The following FMN2 variants were observed in gnomAD, a reference collection of about 807,000 sequenced individuals.
FMN2 encodes the protein formin 2.
In FMN2, 51 loss-of-function variants were observed where a neutral mutation model predicts 142.3. That is an observed-to-expected ratio of 0.36 (90% CI 0.29 to 0.45). FMN2 has a LOEUF of 0.45. Ranked by LOEUF, FMN2 falls within the 20% of genes least tolerant of loss-of-function variation. FMN2 has a pLI of 1.00. For missense variants in FMN2, 1,936 were observed against 2,122.8 expected, an observed-to-expected ratio of 0.91 and a Z score of 1.73; for synonymous variants, 882 against 869.8, an observed-to-expected ratio of 1.01 and a Z score of -0.25.
At chr1:240,419,462 A>G (rs1326875140) in intron 15 of FMN2, among the ~76,000 whole-genome samples, 5 of 152,114 alleles carry the variant, frequency 3.3e-5, no homozygotes, top group Admixed American at 1.3e-4. Flanking sequence ...GAGGGCATCA[A>G]TCCCAGTTGT....
chr1:240,367,313 G>A (rs926601883), intron 14 of FMN2, among the ~76,000 whole-genome samples: 10 of 151,980 alleles, frequency 6.6e-5, no homozygotes, highest in Non-Finnish European at 1.5e-4. Flanking sequence ...TATATATTGA[G>A]GACATTAAAA....
intron 14 of FMN2, among the ~76,000 whole-genome samples, chr1:240,364,644 A>T (rs1023027050): frequency 6.6e-6 from 1 of 152,206 alleles, no homozygotes; most frequent in Non-Finnish European, 1.5e-5. Context: ...ACTTGATCAA[A>T]GAGCCTCTGA....
At chr1:240,456,615 C>T (rs1676254262) in intron 16 of FMN2, among the ~76,000 whole-genome samples, 1 of 152,178 alleles carries the variant, frequency 6.6e-6, no homozygotes, top group Non-Finnish European at 1.5e-5. Context: ...CGCCACCATG[C>T]CCGGCTAACT....
Position 240,125,560 on chromosome 1 carries a change from C to T in FMN2, c.1782+2215C>T, listed in dbSNP as rs114512494. ...GGAACTATAATTAGTATAGTGCAGG[C>T]AAAGGCAAACACTAGCCATGTCTAG... is the stretch of plus-strand genomic sequence containing the variant. On this transcript the variant is annotated intron_variant, in intron 2 of 17. Transcript: ENST00000319653. Among the ~76,000 whole-genome samples the T allele has an allele frequency of 5.8e-3, 888 of 152,292 alleles. 6 individuals carry two copies. The highest frequency in any genetic ancestry group is 0.02 in the African/African-American group (830 of 41,564).
intron 1 of FMN2, among the ~76,000 whole-genome samples, chr1:240,105,266 G>T (rs979040551): frequency 6.6e-6 from 1 of 151,674 alleles, no homozygotes; most frequent in Middle Eastern, 3.2e-3. Flanking sequence ...CCACCACCAT[G>T]CCCGGCTAAT....
intron 13 of FMN2, among the ~76,000 whole-genome samples, chr1:240,348,443 G>T (rs1040955581): frequency 6.6e-6 from 1 of 151,302 alleles, no homozygotes; most frequent in African/African-American, 2.4e-5. Context: ...GGTTGGTCTC[G>T]AACTCCTGAC....
At chr1:240,297,121 C>T (rs1670013442) in intron 8 of FMN2, among the ~76,000 whole-genome samples, 1 of 151,932 alleles carries the variant, frequency 6.6e-6, no homozygotes. Context: ...GTGTGTGTAT[C>T]TATCTATCTT....
At chr1:240,190,455 A>G (rs1454717669) in intron 4 of FMN2, among the ~76,000 whole-genome samples, 1 of 152,144 alleles carries the variant, frequency 6.6e-6, no homozygotes, top group Non-Finnish European at 1.5e-5. Context: ...CGTAAAGGGG[A>G]TAGGGAAAAC....
chr1:240,130,613 G>A (rs1368298893), intron 2 of FMN2, among the ~76,000 whole-genome samples: 1 of 152,092 alleles, frequency 6.6e-6, no homozygotes, highest in Non-Finnish European at 1.5e-5. Context: ...TGAATTCTGT[G>A]TTTTTAGTAA....
rs374934885 is a variant in FMN2, at chr1:240,468,206, A to ATATATGTGTGTGTG, written c.5061-4165_5061-4164insATATGTGTGTGTGT. 3.5e-3 allele frequency among the ~76,000 whole-genome samples: 515 copies of ATATATGTGTGTGTG among 147,968 alleles called. 2 individuals carry two copies. Among genetic ancestry groups the ATATATGTGTGTGTG allele is most frequent in the Middle Eastern group, 0.011 (3 of 284 alleles). On this transcript the variant is annotated intron_variant, in intron 16 of 17. Coordinates refer to ENST00000319653, the MANE Select transcript of FMN2 (RefSeq NM_020066.5). ...AATGCATCCACTAAAATATATATATATGTGTGTGTGTGTGTGTGTGTGTGT... is the reference window on the plus strand; with the variant it reads ...AATGCATCCACTAAAATATATATATATATATGTGTGTGTGTGTGTGTGTGTGTGTGTGTGTGTGT...
chr1:240,343,128 A>AT (rs1671797442), intron 13 of FMN2, among the ~76,000 whole-genome samples: 1 of 152,142 alleles, frequency 6.6e-6, no homozygotes, highest in African/African-American at 2.4e-5. Flanking sequence ...CAAACCTGAG[A>AT]CGGGGCTCAT....
chr1:240,219,678 G>T (rs1274141461), intron 6 of FMN2, among the ~76,000 whole-genome samples: 1 of 150,570 alleles, frequency 6.6e-6, no homozygotes, highest in African/African-American at 2.5e-5. Context: ...TTTTTGAGAC[G>T]GGGTCTCACT....
At chr1:240,334,738 A>G (rs1671504231) in intron 13 of FMN2, among the ~76,000 whole-genome samples, 1 of 152,164 alleles carries the variant, frequency 6.6e-6, no homozygotes, top group African/African-American at 2.4e-5. Context: ...ATAGGCCGAA[A>G]TTTTTCAAAT....
intron 2 of FMN2, chr1:240,170,511 AAG>A (rs1302398219): frequency 6.6e-7 from 1 of 1,513,576 alleles, no homozygotes; most frequent in Admixed American, 1.7e-5. Context: ...GCCAGAATAT[AAG>A]AGTCACTCAA....
Position 240,092,215 on chromosome 1 carries a change from A to G in FMN2, c.106A>G (p.Lys36Glu). Residue 36 changes from lysine (K) to glutamate (E), a missense_variant, in exon 1 of 18, where the codon AAG becomes GAG. By Grantham distance (56) the Lys-to-Glu change is moderately conservative. Coordinates refer to ENST00000319653, the MANE Select transcript of FMN2 (RefSeq NM_020066.5). ...ALGPRDVEATKKGSGGKKALG... is the reference protein window; with the variant it reads ...ALGPRDVEATEKGSGGKKALG... ...GGGGCCCAGGGATGTGGAAGCCACA[A>G]AGAAGGGGAGCGGGGGCAAGAAGGC... 2 of 1,583,780 alleles carry G rather than the reference A, an allele frequency of 1.3e-6. No homozygotes were observed. The highest frequency in any genetic ancestry group is 1.2e-5 in the South Asian group (1 of 86,802).
intron 14 of FMN2, among the ~76,000 whole-genome samples, chr1:240,380,170 C>G (rs538364544): frequency 6.6e-6 from 1 of 152,290 alleles, no homozygotes; most frequent in East Asian, 1.9e-4. Flanking sequence ...TTCACATCAA[C>G]AGAACATATA....
chr1:240,383,119 G>A (rs181088487), intron 14 of FMN2, among the ~76,000 whole-genome samples: 1 of 152,174 alleles, frequency 6.6e-6, no homozygotes, highest in African/African-American at 2.4e-5. Flanking sequence ...TACTCAAAAT[G>A]GGCTAAAGAC....
At chr1:240,412,404 AAG>A (rs759014244) in intron 15 of FMN2, among the ~76,000 whole-genome samples, 9 of 152,140 alleles carry the variant, frequency 5.9e-5, no homozygotes, top group Non-Finnish European at 1.3e-4. Flanking sequence ...TTGGAGAGGG[AAG>A]GAAGAAGAGA....
At chr1:240,254,659 A>G (rs1330114296) in intron 6 of FMN2, among the ~76,000 whole-genome samples, 3 of 152,114 alleles carry the variant, frequency 2.0e-5, no homozygotes, top group Non-Finnish European at 4.4e-5. Flanking sequence ...AGTTGTAAAC[A>G]GGTGACTGGG....
Sources: gnomAD v4.1 joint callset for allele counts (sites outside exome capture counted in the v4.1 genomes callset) on GRCh38, gnomAD v4.1.1 for gene constraint, MANE v1.5 for transcripts, NCBI Gene and HGNC (gene_info 2026-07-23, HGNC 2026-07-21) for gene names.